The following IL12RB1 variants were observed in gnomAD, a reference collection of about 807,000 sequenced individuals.
The protein encoded by IL12RB1 is interleukin-12 receptor subunit beta-1.
A neutral mutation model predicts 94.4 loss-of-function variants in IL12RB1; 64 were observed. The observed-to-expected ratio is 0.68, with a 90% CI of 0.55 to 0.83. IL12RB1 has a LOEUF of 0.83. Among genes scored for constraint, IL12RB1 ranks in the 40% least tolerant of loss-of-function variants. IL12RB1 has a pLI of 0.00. For missense variants in IL12RB1, 814 were observed against 855.6 expected (o/e 0.95, Z 0.61); for synonymous variants, 362 against 355.5 (o/e 1.02, Z -0.21).
intron 4 of IL12RB1, among the ~76,000 whole-genome samples, chr19:18,080,383 C>T (rs746228747): frequency 3.1e-4 from 47 of 152,132 alleles, no homozygotes; most frequent in East Asian, 1.2e-3. Context: ...GGACTACAGG[C>T]GCGCGTGGCC....
rs17881880 is a variant in IL12RB1, at chr19:18,073,090, G to A, written c.783+427C>T. Among the ~76,000 whole-genome samples, 317 of 152,224 alleles carry A rather than the reference G, an allele frequency of 2.1e-3. 2 individuals are homozygous for A. The highest frequency in any genetic ancestry group is 7.2e-3 in the African/African-American group (300 of 41,536). On this transcript the variant is annotated intron_variant, in intron 8 of 16. Coordinates refer to ENST00000593993, the MANE Select transcript of IL12RB1 (RefSeq NM_005535.3). Reference sequence around the variant, plus strand: ...GACTATGGTAAAGTCAACGAGTGGAGTATTTGTCAGTTTTGTCTCAACAGA... The same window carrying A: ...GACTATGGTAAAGTCAACGAGTGGAATATTTGTCAGTTTTGTCTCAACAGA...
At chr19:18,089,063 A>T (rs2036518736), upstream of IL12RB1, among the ~76,000 whole-genome samples, 1 of 151,782 alleles carries the variant, frequency 6.6e-6, no homozygotes, top group Non-Finnish European at 1.5e-5. Context: ...ACAAAAAAAA[A>T]AACCCATCAT....
In IL12RB1 at chr19:18,071,952, A is replaced by G. The variant is rs565691031; in HGVS notation, c.1021+160T>C. Reference sequence around the variant, plus strand: ...AGTGCTGGGATTACAGGTGTGAGCCACCGTGCCTGGCTGATTACTGAATTT... The same window carrying G: ...AGTGCTGGGATTACAGGTGTGAGCCGCCGTGCCTGGCTGATTACTGAATTT... On this transcript the variant is annotated intron_variant, in intron 9 of 16. Transcript: ENST00000593993. 3.5e-3 allele frequency among the ~76,000 whole-genome samples: 527 copies of G among 152,264 alleles called. 4 individuals carry two copies. The highest frequency in any genetic ancestry group is 6.8e-3 in the Middle Eastern group (2 of 294).
upstream of IL12RB1, among the ~76,000 whole-genome samples, chr19:18,087,673 G>A (rs974415381): frequency 8.7e-5 from 13 of 149,672 alleles, no homozygotes; most frequent in African/African-American, 3.0e-4. Context: ...GCACCACCAC[G>A]CCCAGCTAAT....
chr19:18,081,880 A>ATGGT (rs991565863), intron 3 of IL12RB1, among the ~76,000 whole-genome samples: 2 of 137,462 alleles, frequency 1.5e-5, no homozygotes, highest in African/African-American at 2.5e-5. Context: ...GGATGGATGG[A>ATGGT]TGGATGGTTG....
chr19:18,066,048 A>ATT (rs2034558332), intron 12 of IL12RB1, among the ~76,000 whole-genome samples: 2 of 149,998 alleles, frequency 1.3e-5, no homozygotes, highest in African/African-American at 5.0e-5. Flanking sequence ...TAAAATTAAA[A>ATT]AAAAAAAAAA....
At chr19:18,071,735 A>T (rs1317568934) in intron 9 of IL12RB1, among the ~76,000 whole-genome samples, 1 of 152,024 alleles carries the variant, frequency 6.6e-6, no homozygotes, top group Non-Finnish European at 1.5e-5. Context: ...GCAATGGCAC[A>T]ATTTTGGCTC....
chr19:18,096,835 A>T (rs926294345), intron 1 of IL12RB1, among the ~76,000 whole-genome samples: 11 of 124,874 alleles, frequency 8.8e-5, no homozygotes, highest in African/African-American at 5.6e-4. Context: ...CATAAATTAA[A>T]AAAAAAAAAA....
chr19:18,083,234 C>CA (rs1355737247), intron 2 of IL12RB1, 198 bp downstream of exon 2: 1 of 665,446 alleles, frequency 1.5e-6, no homozygotes, highest in Non-Finnish European at 2.7e-6. Flanking sequence ...TGATAATGTT[C>CA]AGAGAGGCGG....
intron 1 of IL12RB1, 101 bp downstream of exon 1, chr19:18,086,659 G>T: frequency 8.7e-7 from 1 of 1,155,558 alleles, no homozygotes; most frequent in Non-Finnish European, 1.2e-6. Flanking sequence ...CTGAGGCACA[G>T]AGAGATGAAA....
intron 1 of IL12RB1, among the ~76,000 whole-genome samples, chr19:18,096,255 T>G (rs905353621): frequency 2.6e-5 from 4 of 152,030 alleles, no homozygotes; most frequent in African/African-American, 4.8e-5. Flanking sequence ...AAAAAAATTT[T>G]TTTTTAAATG....
At chr19:18,077,271 A>G in intron 5 of IL12RB1, among the ~76,000 whole-genome samples, 1 of 152,098 alleles carries the variant, frequency 6.6e-6, no homozygotes, top group East Asian at 1.9e-4. Flanking sequence ...CTGACGCAGG[A>G]CAATCGCTTG....
At chr19:18,062,378 C>A in intron 13 of IL12RB1, 101 bp from the exon 14 acceptor site, 1 of 686,332 alleles carries the variant, frequency 1.5e-6, no homozygotes, top group Non-Finnish European at 2.5e-6. Flanking sequence ...GCTGCTGATC[C>A]TGGTGCACAT....
At position 18,086,874 on chromosome 19, in the gene IL12RB1, G is replaced by A. The variant is rs373990244; in HGVS notation, c.-51C>T. On this transcript the variant is annotated 5_prime_UTR_variant, in exon 1 of 17. Coordinates refer to ENST00000593993, the MANE Select transcript of IL12RB1 (RefSeq NM_005535.3). ...CCAGGGGAGCCTCTCTGCCACCTGCGAGGTTCAGCCACCCCGTCCCCACTC... is the reference window on the plus strand; with the variant it reads ...CCAGGGGAGCCTCTCTGCCACCTGCAAGGTTCAGCCACCCCGTCCCCACTC... 3.7e-4 allele frequency: 583 copies of A among 1,587,954 alleles called. No individual in the cohort carries two copies. Among genetic ancestry groups the A allele is most frequent in the Admixed American group, 8.8e-4 (50 of 56,744 alleles).
At chr19:18,064,297 G>T (rs1234006403) in intron 12 of IL12RB1, among the ~76,000 whole-genome samples, 1 of 147,726 alleles carries the variant, frequency 6.8e-6, no homozygotes, top group East Asian at 2.1e-4. Flanking sequence ...CCGCCACCAC[G>T]CCCAGCTAAT....
chr19:18,071,190 T>C (rs916790852), intron 9 of IL12RB1: 14 of 346,506 alleles, frequency 4.0e-5, no homozygotes, highest in Non-Finnish European at 6.1e-5. Context: ...CTGGCCAACG[T>C]GGTGAAACCC....
chr19:18,071,209 C>T (rs1259847931), intron 9 of IL12RB1: 1 of 384,816 alleles, frequency 2.6e-6, no homozygotes, highest in Non-Finnish European at 5.0e-6. Context: ...CCCGTCTCTA[C>T]TAAAAATACA....
chr19:18,088,125 C>A (rs886624699), upstream of IL12RB1, among the ~76,000 whole-genome samples: 1 of 151,964 alleles, frequency 6.6e-6, no homozygotes, highest in East Asian at 1.9e-4. Flanking sequence ...CGGTGGCTCA[C>A]GCCTGTAATC....
intron 12 of IL12RB1, among the ~76,000 whole-genome samples, chr19:18,065,203 G>C (rs926323743): frequency 1.3e-5 from 2 of 152,108 alleles, no homozygotes; most frequent in Non-Finnish European, 2.9e-5. Flanking sequence ...CCTGGGGAAA[G>C]CCAAAAACCC....
Sources: allele counts gnomAD v4.1 joint callset (sites outside exome capture counted in the v4.1 genomes callset), GRCh38; gene constraint gnomAD v4.1.1; transcripts MANE v1.5; gene names NCBI Gene and HGNC (gene_info 2026-07-23, HGNC 2026-07-21).